TENM3: variants seen among roughly 807,000 people sequenced by gnomAD.
The protein encoded by TENM3 is teneurin-3.
Under a neutral mutation model 255.1 loss-of-function variants are expected in TENM3, and 63 were observed. The ratio of observed to expected loss-of-function variants is 0.25; its 90% CI spans 0.20 to 0.30. The LOEUF is 0.30. Ranked by LOEUF, TENM3 falls within the 10% of genes least tolerant of loss-of-function variation. TENM3 has a pLI of 1.00. For missense variants in TENM3, 2,929 were observed against 3,461.1 expected, an observed-to-expected ratio of 0.85 and a Z score of 3.86; for synonymous variants, 1,306 against 1,322.3, an observed-to-expected ratio of 0.99 and a Z score of 0.27.
intron 5 of TENM3, among the ~76,000 whole-genome samples, chr4:182,647,985 C>T (rs1752903107): frequency 6.6e-6 from 1 of 152,160 alleles, no homozygotes; most frequent in Admixed American, 6.5e-5. Context: ...TATTGCTTTC[C>T]TCCTTAAAGT....
At chr4:182,598,822 G>A (rs997674293) in intron 3 of TENM3, among the ~76,000 whole-genome samples, 20 of 152,168 alleles carry the variant, frequency 1.3e-4, no homozygotes, top group African/African-American at 4.1e-4. Context: ...TCACATTACA[G>A]GTGAGAAAAC....
intron 3 of TENM3, among the ~76,000 whole-genome samples, chr4:182,361,631 T>C (rs1304460861): frequency 2.6e-5 from 4 of 151,956 alleles, no homozygotes; most frequent in South Asian, 2.1e-4. Flanking sequence ...CTAAATTTTT[T>C]TCAAAGTTTT....
chr4:182,771,503 G>A (rs4467619), intron 22 of TENM3, among the ~76,000 whole-genome samples: 1 of 148,632 alleles, frequency 6.7e-6, no homozygotes, highest in Non-Finnish European at 1.5e-5. Context: ...TGAAATGGGG[G>A]GGGGGGAAAT....
the TENM3 span, among the ~76,000 whole-genome samples, chr4:181,764,374 T>C: frequency 6.6e-6 from 1 of 152,192 alleles, no homozygotes; most frequent in Non-Finnish European, 1.5e-5. Context: ...TCTGACTTTA[T>C]GACACAGAAC....
intron 1 of TENM3, among the ~76,000 whole-genome samples, chr4:182,270,463 T>C (rs997892218): frequency 6.6e-6 from 1 of 152,204 alleles, no homozygotes; most frequent in African/African-American, 2.4e-5. Context: ...ATGATTTCTA[T>C]TTTAACGTTA....
the TENM3 span, among the ~76,000 whole-genome samples, chr4:182,065,461 C>T: frequency 5.9e-5 from 9 of 152,186 alleles, no homozygotes; most frequent in Non-Finnish European, 1.3e-4. Context: ...GGAGCACGCG[C>T]GTCACGTGGC....
the TENM3 span, among the ~76,000 whole-genome samples, chr4:181,780,344 T>C: frequency 6.6e-6 from 1 of 152,164 alleles, no homozygotes; most frequent in Admixed American, 6.5e-5. Flanking sequence ...TGGTGTGAGA[T>C]GGTATCTCAT....
chr4:182,047,161 T>C, the TENM3 span, among the ~76,000 whole-genome samples: 1 of 152,202 alleles, frequency 6.6e-6, no homozygotes, highest in African/African-American at 2.4e-5. Context: ...GGGATGGTCA[T>C]GTCTAGTTTC....
At chr4:182,430,026 C>T (rs1771503446) in intron 3 of TENM3, among the ~76,000 whole-genome samples, 1 of 152,162 alleles carries the variant, frequency 6.6e-6, no homozygotes, top group Admixed American at 6.5e-5. Context: ...CTGTCTGACT[C>T]CTGCGTCTGT....
At chr4:181,562,113 T>C in the TENM3 span, among the ~76,000 whole-genome samples, 3 of 152,238 alleles carry the variant, frequency 2.0e-5, no homozygotes, top group Non-Finnish European at 2.9e-5. Flanking sequence ...TTGTCTATCA[T>C]ATATTTCAAA....
At chr4:182,755,404 C>T (rs961787254) in intron 22 of TENM3, 145 bp downstream of exon 22, 21 of 779,854 alleles carry the variant, frequency 2.7e-5, no homozygotes, top group Admixed American at 2.5e-4. Flanking sequence ...CGGCTGGGCA[C>T]GGTGGCTCAT....
At chr4:182,161,815 GTATATATATACACA>G (rs1751302651) in intron 1 of TENM3, among the ~76,000 whole-genome samples, 1 of 30,404 alleles carries the variant, frequency 3.3e-5, no homozygotes. Flanking sequence ...ACATATATAT[GTATATATATACACA>G]TATATATGTG....
At chr4:182,473,085 A>T (rs1308502968) in intron 3 of TENM3, among the ~76,000 whole-genome samples, 2 of 152,178 alleles carry the variant, frequency 1.3e-5, no homozygotes, top group Non-Finnish European at 2.9e-5. Context: ...AATATTTTAC[A>T]TTATTTCTTC....
intron 3 of TENM3, among the ~76,000 whole-genome samples, chr4:182,379,282 G>A (rs113324456): frequency 0.052 from 4,944 of 95,462 alleles, 153 homozygotes; most frequent in African/African-American, 0.12. Flanking sequence ...ACTTGAACCC[G>A]GGGAGTGGAG....
At chr4:182,082,034 T>C in the TENM3 span, among the ~76,000 whole-genome samples, 5 of 152,288 alleles carry the variant, frequency 3.3e-5, no homozygotes, top group East Asian at 9.6e-4. Flanking sequence ...TGCTTAGGGT[T>C]ATTTAAACAT....
At chr4:182,245,691 C>G (rs937468207) in intron 1 of TENM3, among the ~76,000 whole-genome samples, 1 of 152,128 alleles carries the variant, frequency 6.6e-6, no homozygotes, top group Non-Finnish European at 1.5e-5. Context: ...ACATGTGACA[C>G]GGCCATAGGA....
chr4:182,503,198 G>A (rs1415385540), intron 3 of TENM3, among the ~76,000 whole-genome samples: 1 of 152,076 alleles, frequency 6.6e-6, no homozygotes, highest in African/African-American at 2.4e-5. Flanking sequence ...GAGGACTGGG[G>A]AGAGTGTATA....
intron 5 of TENM3, 135 bp downstream of exon 5, chr4:182,629,024 T>C (rs1201287498): frequency 6.2e-6 from 4 of 641,174 alleles, no homozygotes; most frequent in Non-Finnish European, 1.1e-5. Context: ...TAATAATGTA[T>C]CATAAATCAC....
At chr4:182,506,230 ATTGT>A (rs888761302) in intron 3 of TENM3, among the ~76,000 whole-genome samples, 113 of 152,158 alleles carry the variant, frequency 7.4e-4, no homozygotes, top group Middle Eastern at 3.4e-3. Context: ...AGCCCCTTTG[ATTGT>A]TTTTGTTTTT....
Sources: gnomAD v4.1 joint callset for allele counts (sites outside exome capture counted in the v4.1 genomes callset) on GRCh38, gnomAD v4.1.1 for gene constraint, MANE v1.5 for transcripts, NCBI Gene and HGNC (gene_info 2026-07-23, HGNC 2026-07-21) for gene names.